The following INHBA variants were observed in gnomAD, a reference collection of about 807,000 sequenced individuals.
INHBA encodes the protein inhibin subunit beta A.
INHBA carries 1 observed loss-of-function variant against 29.0 expected under a neutral mutation model. The ratio of observed to expected loss-of-function variants is 0.03; its 90% CI spans 0.01 to 0.16. The LOEUF is 0.16. INHBA is among the 10% of genes least tolerant of loss of function. INHBA has a pLI of 1.00. For synonymous variants in INHBA, 242 were observed against 216.8 expected (o/e 1.12, Z -1.02); for missense variants, 376 against 545.4 (o/e 0.69, Z 3.09).
rs1358209064 is a variant in INHBA at position 41,688,690 on chromosome 7, T to G, written c.*960A>C. On this transcript the variant is annotated 3_prime_UTR_variant, in exon 3 of 3. Transcript: ENST00000242208. ...AAGGATTAGACAGGTCAAACACCAT[T>G]GTAGTGCAAATAGTAAACGATTAAA... 1 of 117,932 alleles carries G rather than the reference T, an allele frequency of 8.5e-6. No homozygotes were observed. The highest frequency in any genetic ancestry group is 3.3e-5 in the African/African-American group (1 of 30,518). 7.3% of individuals were successfully genotyped at this position (117,932 alleles called of 1,614,324 possible).
At chr7:41,696,963 G>A (rs559800369) in intron 2 of INHBA, among the ~76,000 whole-genome samples, 1 of 152,086 alleles carries the variant, frequency 6.6e-6, no homozygotes, top group Non-Finnish European at 1.5e-5. Context: ...TACAACAAGT[G>A]CTATCAATTG....
At chr7:41,691,397 A>C (rs1272746331) in intron 2 of INHBA, 1 of 152,288 alleles carries the variant, frequency 6.6e-6, no homozygotes, top group African/African-American at 2.4e-5. Context: ...GGATCTGATC[A>C]CATCACTTCT....
At position 41,689,276 on chromosome 7, in the gene INHBA, G is replaced by A; in HGVS notation, c.*374C>T. 1 of 256,220 alleles carries A rather than the reference G, an allele frequency of 3.9e-6. No homozygotes were observed. The highest frequency in any genetic ancestry group is 7.5e-6 in the Non-Finnish European group (1 of 133,880). 15.9% of individuals were successfully genotyped at this position (256,220 alleles called of 1,614,324 possible). ...TTGGGTTGTTCTAGTCCACACTACTGCAGACTAGATTGGTTGATTCAAGGC... is the reference window on the plus strand; with the variant it reads ...TTGGGTTGTTCTAGTCCACACTACTACAGACTAGATTGGTTGATTCAAGGC... On this transcript the variant is annotated 3_prime_UTR_variant, in exon 3 of 3. Coordinates refer to ENST00000242208, the MANE Select transcript of INHBA (RefSeq NM_002192.4).
intron 2 of INHBA, among the ~76,000 whole-genome samples, chr7:41,698,258 G>A (rs1302075833): frequency 6.6e-6 from 1 of 152,020 alleles, no homozygotes; most frequent in African/African-American, 2.4e-5. Context: ...CAGAAAGAGG[G>A]GCATATTGCT....
chr7:41,703,790 CACA>C (rs1554287649), upstream of INHBA, among the ~76,000 whole-genome samples: 47 of 151,434 alleles, frequency 3.1e-4, no homozygotes, highest in Non-Finnish European at 5.2e-4. Context: ...CACACACACA[CACA>C]ACAACAACAA....
At chr7:41,700,841 A>AAGAGAGAGAGTGAGAGAGAG (rs1794769392) in intron 1 of INHBA, among the ~76,000 whole-genome samples, 1 of 79,098 alleles carries the variant, frequency 1.3e-5, no homozygotes, top group African/African-American at 4.9e-5. Flanking sequence ...GAGGGAAAGG[A>AAGAGAGAGAGTGAGAGAGAG]AGAGAGAGAG....
intron 2 of INHBA, among the ~76,000 whole-genome samples, chr7:41,696,352 A>G (rs572609204): frequency 2.6e-5 from 4 of 152,282 alleles, no homozygotes; most frequent in Admixed American, 2.0e-4. Context: ...TTTGAAATTT[A>G]TCACTCGTCT....
chr7:41,699,877 GGCAGTTTCCA>G (rs1262899108), intron 2 of INHBA, 100 bp downstream of exon 2: 32 of 802,248 alleles, frequency 4.0e-5, no homozygotes, highest in Non-Finnish European at 5.7e-5. Context: ...AACCTTCCCA[GGCAGTTTCCA>G]GCTGAAGGGA....
At chr7:41,704,476 T>C (rs1183441396), upstream of INHBA, among the ~76,000 whole-genome samples, 2 of 152,086 alleles carry the variant, frequency 1.3e-5, no homozygotes, top group Non-Finnish European at 2.9e-5. Flanking sequence ...TCAAACCCTT[T>C]ATAAGAAAGA....
At chr7:41,695,070 G>T (rs1011076107) in intron 2 of INHBA, among the ~76,000 whole-genome samples, 1 of 152,316 alleles carries the variant, frequency 6.6e-6, no homozygotes, top group Middle Eastern at 3.4e-3. Context: ...GATGCAAAAT[G>T]CTGGACTCAT....
In INHBA at chr7:41,687,279, A is replaced by G. The variant is rs1254163468; in HGVS notation, c.*2371T>C. The G allele has an allele frequency of 2.6e-5, 4 of 152,186 alleles. No homozygotes were observed. The highest frequency in any genetic ancestry group is 9.7e-5 in the African/African-American group (4 of 41,436). The allele number at this position is 152,186 out of a possible 1,614,324, so 9.4% of individuals were successfully genotyped here. A position where few individuals can be genotyped will look rare whatever the true frequency, so the allele number is the denominator to read the frequency against. On this transcript the variant is annotated 3_prime_UTR_variant, in exon 3 of 3. Coordinates refer to ENST00000242208, the MANE Select transcript of INHBA (RefSeq NM_002192.4). ...TCTCACTGTTATCTTCCTTTCCTAT[A>G]ATTAATTTATTTTAATCTACAAATT...
chr7:41,703,623 C>A (rs1236052634), upstream of INHBA, among the ~76,000 whole-genome samples: 1 of 152,074 alleles, frequency 6.6e-6, no homozygotes, highest in Non-Finnish European at 1.5e-5. Context: ...TCTCCCCCGA[C>A]CCCAACCAAC....
At chr7:41,698,007 T>C (rs1338275334) in intron 2 of INHBA, among the ~76,000 whole-genome samples, 1 of 152,174 alleles carries the variant, frequency 6.6e-6, no homozygotes, top group Non-Finnish European at 1.5e-5. Flanking sequence ...AGTTTCCCAT[T>C]ACAAATCTTA....
At chr7:41,697,908 A>G in intron 2 of INHBA, among the ~76,000 whole-genome samples, 1 of 152,190 alleles carries the variant, frequency 6.6e-6, no homozygotes, top group East Asian at 1.9e-4. Flanking sequence ...ATCAACTTGA[A>G]GTTGATGTGT....
At chr7:41,702,803 A>G (rs1264411930) in intron 1 of INHBA, among the ~76,000 whole-genome samples, 2 of 152,242 alleles carry the variant, frequency 1.3e-5, no homozygotes, top group Admixed American at 1.3e-4. Flanking sequence ...GTACTTGTAT[A>G]TATGTGCTGA....
chr7:41,697,941 G>A (rs1488878159), intron 2 of INHBA, among the ~76,000 whole-genome samples: 4 of 152,112 alleles, frequency 2.6e-5, no homozygotes, highest in East Asian at 1.9e-4. Context: ...AGAAAAATAA[G>A]CAATTGTAAT....
At chr7:41,698,194 A>T (rs1484449474) in intron 2 of INHBA, among the ~76,000 whole-genome samples, 2 of 152,220 alleles carry the variant, frequency 1.3e-5, no homozygotes, top group Non-Finnish European at 2.9e-5. Flanking sequence ...AAATTTTTTC[A>T]CTGCCAAATC....
In INHBA at chr7:41,690,490, C is replaced by T. The variant is rs980218404; in HGVS notation, c.441G>A (p.Leu147=). The T allele has an allele frequency of 4.3e-6, 7 of 1,612,834 alleles. No individual in the cohort carries two copies. Among genetic ancestry groups the T allele is most frequent in the South Asian group, 3.3e-5 (3 of 90,966 alleles). The change falls in exon 3 of 3, where the codon CTG becomes CTA. Residue 147 remains leucine, a synonymous_variant. Transcript: ENST00000242208. ...HFEISKEGSD[L]SVVERAEVWL... ...AGACTTCTGCACGCTCCACCACTGA[C>T]AGGTCACTGCCTTCCTTGGAAATCT... is the stretch of plus-strand genomic sequence containing the variant.
At chr7:41,701,756 ACT>A (rs1794801975) in intron 1 of INHBA, among the ~76,000 whole-genome samples, 1 of 151,976 alleles carries the variant, frequency 6.6e-6, no homozygotes, top group South Asian at 2.1e-4. Context: ...ATGGGAAAAG[ACT>A]CTCTAAAATA....
Sources: allele counts gnomAD v4.1 joint callset (sites outside exome capture counted in the v4.1 genomes callset), GRCh38; gene constraint gnomAD v4.1.1; transcripts MANE v1.5; gene names NCBI Gene and HGNC (gene_info 2026-07-23, HGNC 2026-07-21).